COL19A1: variants seen among roughly 807,000 people sequenced by gnomAD.
COL19A1 encodes the protein collagen type XIX alpha 1 chain, also known as collagen alpha-1(XIX) chain.
A neutral mutation model predicts 190.2 loss-of-function variants in COL19A1; 159 were observed. That is an observed-to-expected ratio of 0.84 (90% CI 0.73 to 0.95). COL19A1 has a LOEUF of 0.95. COL19A1 is among the 40% of genes least tolerant of loss of function. The pLI, the probability that COL19A1 is intolerant of heterozygous loss-of-function variation, is 0.00. For synonymous variants in COL19A1, 509 were observed against 458.9 expected (o/e 1.11, Z -1.39); for missense variants, 1,418 against 1,431.9 (o/e 0.99, Z 0.16).
At chr6:70,061,078 C>G (rs191982202) in intron 14 of COL19A1, among the ~76,000 whole-genome samples, 2 of 152,140 alleles carry the variant, frequency 1.3e-5, no homozygotes, top group East Asian at 3.9e-4. Context: ...AATAAGTGAT[C>G]GATAAATCCA....
rs187784929 is a variant in COL19A1, at chr6:69,924,335, G to A, written c.267-3574G>A. ...TTCTCATTGTTCAATTCCCGCCTAT[G>A]AGTGAGAATATGCAGTGTTTGGTTT... On this transcript the variant is annotated intron_variant, in intron 4 of 50. Transcript: ENST00000620364. Among the ~76,000 whole-genome samples, 46 of 151,444 alleles carry A rather than the reference G, an allele frequency of 3.0e-4. No individual in the cohort carries two copies. In the East Asian group the frequency reaches 5.7e-3, roughly 19 times the overall value.
At chr6:70,111,496 A>G (rs1784284027) in intron 16 of COL19A1, among the ~76,000 whole-genome samples, 1 of 152,186 alleles carries the variant, frequency 6.6e-6, no homozygotes, top group Non-Finnish European at 1.5e-5. Context: ...TTTTGGACTC[A>G]TTGCAATTTA....
At chr6:70,104,747 C>T (rs1783850170) in intron 16 of COL19A1, among the ~76,000 whole-genome samples, 1 of 152,106 alleles carries the variant, frequency 6.6e-6, no homozygotes, top group Non-Finnish European at 1.5e-5. Flanking sequence ...AAGATTAGAC[C>T]TTCGTGTAGT....
chr6:70,001,876 G>T (rs1297738575), intron 11 of COL19A1, among the ~76,000 whole-genome samples: 1 of 152,078 alleles, frequency 6.6e-6, no homozygotes, highest in African/African-American at 2.4e-5. Context: ...TTGCCTGATT[G>T]CCCTGGCCAA....
chr6:70,144,107 T>G, intron 23 of COL19A1, 103 bp from the exon 24 acceptor site: 2 of 964,820 alleles, frequency 2.1e-6, no homozygotes, highest in Non-Finnish European at 3.1e-6. Flanking sequence ...TAATAGGTTA[T>G]ATGTTAAAAT....
At chr6:69,918,770 T>A (rs1771492017) in intron 4 of COL19A1, among the ~76,000 whole-genome samples, 2 of 151,732 alleles carry the variant, frequency 1.3e-5, no homozygotes, top group African/African-American at 4.8e-5. Flanking sequence ...TTAGATAGGA[T>A]GGGGGATAAT....
intron 15 of COL19A1, among the ~76,000 whole-genome samples, chr6:70,085,638 G>C (rs3806015): frequency 6.6e-6 from 1 of 151,982 alleles, no homozygotes; most frequent in African/African-American, 2.4e-5. Flanking sequence ...GTGGACTGCA[G>C]ATGTTTCATA....
intron 11 of COL19A1, among the ~76,000 whole-genome samples, chr6:70,016,746 T>C (rs995683015): frequency 6.9e-6 from 1 of 145,954 alleles, no homozygotes; most frequent in African/African-American, 2.8e-5. Context: ...TCAAAGAAGA[T>C]ATGTGAATGT....
chr6:70,089,500 G>T (rs1484922113), intron 15 of COL19A1, among the ~76,000 whole-genome samples: 1 of 152,198 alleles, frequency 6.6e-6, no homozygotes, highest in African/African-American at 2.4e-5. Context: ...TTCTGTGGAT[G>T]AGTTTAAACA....
chr6:70,020,891 A>G (rs1266113312), intron 11 of COL19A1, among the ~76,000 whole-genome samples: 1 of 152,164 alleles, frequency 6.6e-6, no homozygotes, highest in African/African-American at 2.4e-5. Flanking sequence ...TATTCATTGA[A>G]TACCATTTTT....
chr6:70,156,467 T>G (rs1231429877), intron 33 of COL19A1, 98 bp downstream of exon 33: 1 of 919,080 alleles, frequency 1.1e-6, no homozygotes, highest in Non-Finnish European at 1.6e-6. Flanking sequence ...AAATACATAC[T>G]ATATATATAT....
At chr6:69,912,974 G>A (rs1262930605) in intron 4 of COL19A1, among the ~76,000 whole-genome samples, 1 of 152,110 alleles carries the variant, frequency 6.6e-6, no homozygotes, top group African/African-American at 2.4e-5. Flanking sequence ...TGTAGTCATA[G>A]CTACTCAGGA....
chr6:70,020,150 T>A (rs900917467), intron 11 of COL19A1, among the ~76,000 whole-genome samples: 5 of 152,090 alleles, frequency 3.3e-5, no homozygotes, highest in African/African-American at 1.2e-4. Context: ...GCCTGATGTG[T>A]TCTTTGCTCA....
intron 16 of COL19A1, among the ~76,000 whole-genome samples, chr6:70,117,799 C>T (rs945533620): frequency 6.6e-6 from 1 of 152,202 alleles, no homozygotes; most frequent in African/African-American, 2.4e-5. Context: ...CCGTAAAAAA[C>T]AGACATTGTA....
chr6:69,939,604 G>A lies in COL19A1; in HGVS notation c.936+1504G>A, dbSNP rs931646383. On this transcript the variant is annotated intron_variant, in intron 9 of 50. Transcript: ENST00000620364. ...ATTATGTATCTGTGTTCTTTGATCA[G>A]GTACTTCCACTTGCGATATTTTACT... is the stretch of plus-strand genomic sequence containing the variant. Among the ~76,000 whole-genome samples, 8 of 152,006 alleles carry A rather than the reference G, an allele frequency of 5.3e-5. No homozygotes were observed. The South Asian group carries it at 1.7e-3, about 32-fold the overall frequency.
intron 9 of COL19A1, among the ~76,000 whole-genome samples, chr6:69,948,071 A>T (rs1222328777): frequency 6.6e-6 from 1 of 151,792 alleles, no homozygotes; most frequent in South Asian, 2.1e-4. Context: ...TGATCACCTA[A>T]AGAGATGCCC....
intron 1 of COL19A1, among the ~76,000 whole-genome samples, chr6:69,866,902 C>G (rs757139037): frequency 6.6e-6 from 1 of 152,084 alleles, no homozygotes; most frequent in Non-Finnish European, 1.5e-5. Flanking sequence ...GTTCGTGTTC[C>G]TATGTTCACA....
At chr6:70,149,933 C>T in intron 29 of COL19A1, 29 bp downstream of exon 29, 1 of 1,613,738 alleles carries the variant, frequency 6.2e-7, no homozygotes, top group South Asian at 1.1e-5. Context: ...TACCCTCCCC[C>T]ATTTTAATCT....
At chr6:70,198,236 GTCTTTACT>G (rs1419819825) in intron 48 of COL19A1, among the ~76,000 whole-genome samples, 3 of 152,102 alleles carry the variant, frequency 2.0e-5, no homozygotes, top group African/African-American at 7.2e-5. Context: ...CTGTCATTTG[GTCTTTACT>G]TACAAAATAA....
Sources: allele counts gnomAD v4.1 joint callset (sites outside exome capture counted in the v4.1 genomes callset), GRCh38; gene constraint gnomAD v4.1.1; transcripts MANE v1.5; gene names NCBI Gene and HGNC (gene_info 2026-07-23, HGNC 2026-07-21).